Variants in ARID2 observed in about 807,000 individuals in gnomAD.
ARID2 encodes the protein AT-rich interactive domain-containing protein 2.
ARID2 carries 32 observed loss-of-function variants against 184.6 expected under a neutral mutation model. The ratio of observed to expected loss-of-function variants is 0.17; its 90% CI spans 0.13 to 0.23. The LOEUF (loss-of-function observed/expected upper bound fraction) is 0.23. ARID2 is among the 10% of genes least tolerant of loss of function. The pLI, the probability that ARID2 is intolerant of heterozygous loss-of-function variation, is 1.00. For missense variants in ARID2, 1,696 were observed against 2,197.6 expected, an observed-to-expected ratio of 0.77 and a Z score of 4.56; for synonymous variants, 836 against 772.6, an observed-to-expected ratio of 1.08 and a Z score of -1.36.
chr12:45,881,908 A>T (rs1347660084), intron 16 of ARID2: 1 of 203,582 alleles, frequency 4.9e-6, no homozygotes, highest in African/African-American at 2.4e-5. Context: ...TTCACCCCAG[A>T]GCCGTGGAAC....
intron 4 of ARID2, among the ~76,000 whole-genome samples, chr12:45,815,732 G>A (rs1942793187): frequency 6.6e-6 from 1 of 152,146 alleles, no homozygotes; most frequent in Non-Finnish European, 1.5e-5. Flanking sequence ...CTTAACCAAA[G>A]CTCACTGGAA....
chr12:45,731,359 T>TA, intron 3 of ARID2, 45 bp downstream of exon 3: 1 of 1,395,834 alleles, frequency 7.2e-7, no homozygotes, highest in Non-Finnish European at 1.0e-6. Context: ...ATAAGGGACT[T>TA]ATGGAGAGAT....
Position 45,851,346 on chromosome 12 carries a change from G to A in ARID2, c.3223G>A (p.Gly1075Ser), listed in dbSNP as rs2138170244. 2 of 1,614,108 alleles carry A rather than the reference G, an allele frequency of 1.2e-6. No homozygotes were observed. Among genetic ancestry groups the A allele is most frequent in the Non-Finnish European group, 1.7e-6 (2 of 1,180,010 alleles). The change falls in exon 15 of 21, where the codon GGT becomes AGT. Residue 1075 changes from glycine to serine, a missense_variant. Around this residue, in one of 11 missense-constraint regions of ARID2, gnomAD observed 713 missense variants for 824.4 expected, o/e 0.86. Transcript: ENST00000334344. ...GAAACGTGGTCCTTCAACACCAGGTGGTAAGCTTATTCTCCCAGCTCCACA... is the reference window on the plus strand; with the variant it reads ...GAAACGTGGTCCTTCAACACCAGGTAGTAAGCTTATTCTCCCAGCTCCACA... ...LPKRGPSTPG[G>S]KLILPAPQIP... is the part of the protein sequence containing the mutation.
intron 3 of ARID2, among the ~76,000 whole-genome samples, chr12:45,768,181 G>T (rs1024991097): frequency 1.3e-5 from 2 of 152,080 alleles, no homozygotes; most frequent in African/African-American, 4.8e-5. Flanking sequence ...TAGTTGGAGG[G>T]TATCTTTCTC....
Position 45,880,657 on chromosome 12 carries a change from G to A in ARID2, c.4923-11123G>A, listed in dbSNP as rs553820781. On this transcript the variant is annotated intron_variant, in intron 16 of 20. Coordinates refer to ENST00000334344, the MANE Select transcript of ARID2 (RefSeq NM_152641.4). ...ATGAAGATTAAACACATTAATGCAA[G>A]GAAAACACTTGAGTCTGTGTCTAGC... Among the ~76,000 whole-genome samples the A allele has an allele frequency of 2.0e-5, 3 of 152,254 alleles. No individual in the cohort carries two copies. The South Asian group carries it at 6.2e-4, about 32-fold the overall frequency.
intron 6 of ARID2, among the ~76,000 whole-genome samples, chr12:45,832,539 C>T (rs1344861781): frequency 6.6e-6 from 1 of 151,858 alleles, no homozygotes. Flanking sequence ...TGCAGTGGTA[C>T]AATTATAGCT....
chr12:45,803,344 A>G (rs1485889766), intron 3 of ARID2, among the ~76,000 whole-genome samples: 2 of 152,026 alleles, frequency 1.3e-5, no homozygotes, highest in South Asian at 2.1e-4. Context: ...TTTTTGCCAT[A>G]TCTTCCATGT....
At position 45,906,000 on chromosome 12, in the gene ARID2, A is replaced by C; in HGVS notation, c.*922A>C. Reference sequence around the variant, plus strand: ...CTTGTAGAACTCATTTTGCTGGCTGAAAGAGTATGGAATAATATATCTCAT... The same window carrying C: ...CTTGTAGAACTCATTTTGCTGGCTGCAAGAGTATGGAATAATATATCTCAT... On this transcript the variant is annotated 3_prime_UTR_variant, in exon 21 of 21. Transcript: ENST00000334344. 1 of 223,880 alleles carries C rather than the reference A, an allele frequency of 4.5e-6. No homozygotes were observed. The allele number at this position is 223,880 out of a possible 1,614,324, so 13.9% of individuals were successfully genotyped here.
chr12:45,731,336 A>G (rs777255828), intron 3 of ARID2, 22 bp downstream of exon 3: 14 of 1,564,082 alleles, frequency 9.0e-6, no homozygotes, highest in Admixed American at 5.0e-5. Context: ...TGACTTTTCC[A>G]TAGTATTTGG....
At chr12:45,860,986 T>C in intron 16 of ARID2, 37 bp downstream of exon 16, 1 of 1,442,558 alleles carries the variant, frequency 6.9e-7, no homozygotes, top group South Asian at 1.7e-5. Flanking sequence ...AAAAGTATTC[T>C]TTGTTTTGGA....
intron 3 of ARID2, among the ~76,000 whole-genome samples, chr12:45,807,370 T>C (rs138054276): frequency 6.6e-6 from 1 of 152,282 alleles, no homozygotes; most frequent in East Asian, 1.9e-4. Context: ...GTTTTCTTGA[T>C]TGGTAGTGGT....
At chr12:45,787,101 A>T (rs996700597) in intron 3 of ARID2, among the ~76,000 whole-genome samples, 6 of 152,238 alleles carry the variant, frequency 3.9e-5, no homozygotes, top group Non-Finnish European at 8.8e-5. Context: ...TATACTTGAA[A>T]ATAACTAAAA....
rs781548286 is a variant in ARID2, at chr12:45,893,443, G to A, written c.5171G>A (p.Ser1724Asn). The change falls in exon 19 of 21, where the codon AGC (serine) becomes AAC (asparagine). Residue 1724 changes from serine to asparagine, a missense_variant. Physicochemically the swap from Ser to Asn is conservative, Grantham distance 46. Around this residue, in one of 11 missense-constraint regions of ARID2, gnomAD observed 58 missense variants for 47.1 expected, o/e 1.23. Coordinates refer to ENST00000334344, the MANE Select transcript of ARID2 (RefSeq NM_152641.4). The part of the protein sequence containing the change: ...STKQPTVGGT[S>N]STPRAQKAIV... The stretch of plus-strand genomic sequence containing the variant: ...AGGCAGCCAACTGTAGGGGGCACAA[G>A]CTCAACTCCTAGAGCACAAAAGGCC... 2.5e-6 allele frequency: 4 copies of A among 1,613,640 alleles called. No homozygotes were observed. Among genetic ancestry groups the A allele is most frequent in the Non-Finnish European group, 3.4e-6 (4 of 1,179,832 alleles).
chr12:45,894,766 T>C (rs1334277844), intron 20 of ARID2, among the ~76,000 whole-genome samples: 1 of 152,206 alleles, frequency 6.6e-6, no homozygotes, highest in Non-Finnish European at 1.5e-5. Context: ...TTAGTAACCA[T>C]ATGAGAATAC....
At chr12:45,866,815 T>C (rs1943838395) in intron 16 of ARID2, among the ~76,000 whole-genome samples, 2 of 152,216 alleles carry the variant, frequency 1.3e-5, no homozygotes, top group South Asian at 4.1e-4. Flanking sequence ...TTGTTATAAC[T>C]GGTTAACCTA....
intron 16 of ARID2, among the ~76,000 whole-genome samples, chr12:45,873,799 G>C (rs1486099705): frequency 6.6e-6 from 1 of 152,188 alleles, no homozygotes; most frequent in Non-Finnish European, 1.5e-5. Context: ...ATGATCATCT[G>C]AACCTTTAGC....
intron 3 of ARID2, among the ~76,000 whole-genome samples, chr12:45,801,066 G>A (rs550259139): frequency 2.6e-5 from 4 of 151,982 alleles, no homozygotes; most frequent in South Asian, 2.1e-4. Context: ...TAATCCCAGC[G>A]CTTTGGGAGG....
chr12:45,803,288 C>G (rs920718333), intron 3 of ARID2, among the ~76,000 whole-genome samples: 1 of 152,086 alleles, frequency 6.6e-6, no homozygotes, highest in African/African-American at 2.4e-5. Flanking sequence ...ATCCTTGTTT[C>G]TTCAACTCTT....
At chr12:45,751,811 A>G (rs551226442) in intron 3 of ARID2, among the ~76,000 whole-genome samples, 3 of 152,330 alleles carry the variant, frequency 2.0e-5, no homozygotes, top group East Asian at 1.9e-4. Context: ...ATAGCTAAAC[A>G]TATAAAAGGT....
Sources: allele counts gnomAD v4.1 joint callset (sites outside exome capture counted in the v4.1 genomes callset), GRCh38; gene constraint gnomAD v4.1.1; regional missense constraint gnomAD v4.1.1; transcripts MANE v1.5; gene names NCBI Gene and HGNC (gene_info 2026-07-23, HGNC 2026-07-21).